SPIRE1: variants seen among roughly 807,000 people sequenced by gnomAD.
SPIRE1 encodes protein spire homolog 1.
Under a neutral mutation model 94.1 loss-of-function variants are expected in SPIRE1, and 40 were observed. The ratio of observed to expected loss-of-function variants is 0.43; its 90% confidence interval spans 0.33 to 0.55. The LOEUF is 0.55. Among genes scored for constraint, SPIRE1 ranks in the 20% least tolerant of loss-of-function variants. The pLI is 0.06. For missense variants in SPIRE1, 838 were observed against 975.2 expected, an observed-to-expected ratio of 0.86 and a Z score of 1.87; for synonymous variants, 376 against 371.7, an observed-to-expected ratio of 1.01 and a Z score of -0.13.
intron 2 of SPIRE1, among the ~76,000 whole-genome samples, chr18:12,563,135 C>T (rs992904887): frequency 2.6e-5 from 4 of 151,334 alleles, no homozygotes; most frequent in Admixed American, 6.6e-5. Context: ...GCAAAAGTAA[C>T]GATGCATTTT....
At chr18:12,594,389 G>A (rs1010095563) in intron 2 of SPIRE1, among the ~76,000 whole-genome samples, 1 of 152,088 alleles carries the variant, frequency 6.6e-6, no homozygotes, top group Admixed American at 6.5e-5. Context: ...GGAATATTAA[G>A]CAATCATTAA....
At chr18:12,607,191 T>C (rs1160654606) in intron 2 of SPIRE1, among the ~76,000 whole-genome samples, 23 of 152,178 alleles carry the variant, frequency 1.5e-4, no homozygotes, top group Admixed American at 1.5e-3. Flanking sequence ...GTCACCAATA[T>C]TCACAGAAAG....
intron 2 of SPIRE1, among the ~76,000 whole-genome samples, chr18:12,626,885 T>TATATATATATATATATATAC: frequency 1.8e-5 from 1 of 55,046 alleles, no homozygotes; most frequent in Non-Finnish European, 3.8e-5. Context: ...TATATATATA[T>TATATATATATATATATATAC]ATTTTTTTTT....
chr18:12,651,379 T>A (rs546140593), intron 1 of SPIRE1, among the ~76,000 whole-genome samples: 7 of 151,870 alleles, frequency 4.6e-5, no homozygotes, highest in African/African-American at 7.3e-5. Context: ...AAAAAAAATG[T>A]TTTTAAACAT....
chr18:12,527,239 C>CTT (rs2034548779), intron 4 of SPIRE1, among the ~76,000 whole-genome samples: 1 of 152,172 alleles, frequency 6.6e-6, no homozygotes, highest in South Asian at 2.1e-4. Context: ...CTTTTATTGT[C>CTT]TATCATTTGT....
chr18:12,600,646 A>G (rs1343038818), intron 2 of SPIRE1, among the ~76,000 whole-genome samples: 1 of 151,996 alleles, frequency 6.6e-6, no homozygotes, highest in African/African-American at 2.4e-5. Flanking sequence ...CTTTCTCCCC[A>G]TTTATTCACG....
chr18:12,582,439 G>A (rs2036280315), intron 2 of SPIRE1, among the ~76,000 whole-genome samples: 1 of 152,116 alleles, frequency 6.6e-6, no homozygotes, highest in Non-Finnish European at 1.5e-5. Flanking sequence ...AAGCTAAACT[G>A]TGGTATGTTT....
intron 4 of SPIRE1, among the ~76,000 whole-genome samples, chr18:12,520,230 C>T (rs2034319746): frequency 6.6e-6 from 1 of 151,884 alleles, no homozygotes; most frequent in Non-Finnish European, 1.5e-5. Context: ...AATCTCTCTG[C>T]AAAGATAAAA....
Position 12,470,709 on chromosome 18 carries a change from C to T in SPIRE1, c.1405-5751G>A, listed in dbSNP as rs577692061. ...ACCCTCTCGTGTCTATTCCAACTGC[C>T]TAATCACTTTTTGCTTATCTGGGGA... On this transcript the variant is annotated intron_variant, in intron 10 of 16. Coordinates refer to ENST00000409402, the MANE Select transcript of SPIRE1 (RefSeq NM_001128626.2). 5.2e-4 allele frequency among the ~76,000 whole-genome samples: 79 copies of T among 152,274 alleles called. 1 individual carries two copies. The highest frequency in any genetic ancestry group is 1.9e-3 in the African/African-American group (79 of 41,562).
intron 1 of SPIRE1, among the ~76,000 whole-genome samples, chr18:12,641,479 C>T (rs908509598): frequency 1.3e-5 from 2 of 152,162 alleles, no homozygotes; most frequent in African/African-American, 2.4e-5. Flanking sequence ...AGCGATTCTC[C>T]TGCCTCAGCC....
At chr18:12,643,963 G>A (rs1282938656) in intron 1 of SPIRE1, among the ~76,000 whole-genome samples, 2 of 151,428 alleles carry the variant, frequency 1.3e-5, no homozygotes, top group Non-Finnish European at 1.5e-5. Context: ...CTGGGGGTGG[G>A]GGCGCGAATC....
chr18:12,583,860 G>A (rs888386687), intron 2 of SPIRE1, among the ~76,000 whole-genome samples: 2 of 151,204 alleles, frequency 1.3e-5, no homozygotes, highest in African/African-American at 2.4e-5. Context: ...AGAAGGGTTA[G>A]AAGCTGCAGT....
At chr18:12,629,818 T>TA (rs1239142550) in intron 2 of SPIRE1, among the ~76,000 whole-genome samples, 1 of 152,168 alleles carries the variant, frequency 6.6e-6, no homozygotes, top group Admixed American at 6.5e-5. Flanking sequence ...CCTATTAAAG[T>TA]AAAAAAATTT....
At chr18:12,507,399 A>G (rs1209294119) in intron 5 of SPIRE1, among the ~76,000 whole-genome samples, 1 of 152,168 alleles carries the variant, frequency 6.6e-6, no homozygotes, top group African/African-American at 2.4e-5. Context: ...TGTTCTATAC[A>G]TAGAAAATAC....
At chr18:12,541,066 T>C (rs750494236) in intron 3 of SPIRE1, among the ~76,000 whole-genome samples, 2 of 152,220 alleles carry the variant, frequency 1.3e-5, no homozygotes, top group Non-Finnish European at 2.9e-5. Flanking sequence ...TTTGTTATTA[T>C]TCAGTTTATT....
intron 1 of SPIRE1, among the ~76,000 whole-genome samples, chr18:12,655,046 GA>G (rs1598591636): frequency 6.6e-6 from 1 of 150,828 alleles, no homozygotes; most frequent in East Asian, 1.9e-4. Context: ...AAGAAAGAAA[GA>G]AAAGAAAAGA....
chr18:12,494,071 A>AT lies in SPIRE1; in HGVS notation c.1060-871dup, dbSNP rs201239734. Among the ~76,000 whole-genome samples the AT allele has an allele frequency of 3.2e-3, 479 of 151,066 alleles. 1 individual carries two copies. The highest frequency in any genetic ancestry group is 0.011 in the African/African-American group (446 of 41,132). ...AAGTGTATGCCACTGCACACGGCTA[A>AT]TTTTTTTTTCTTTAATTTCTTTGTA... is the stretch of plus-strand genomic sequence containing the variant. On this transcript the variant is annotated intron_variant, in intron 7 of 16. Coordinates refer to ENST00000409402, the MANE Select transcript of SPIRE1 (RefSeq NM_001128626.2).
chr18:12,590,575 GA>G (rs2036506417), intron 2 of SPIRE1, among the ~76,000 whole-genome samples: 1 of 152,126 alleles, frequency 6.6e-6, no homozygotes, highest in Admixed American at 6.6e-5. Context: ...TATTTAAATT[GA>G]AAACAGAGTA....
intron 1 of SPIRE1, among the ~76,000 whole-genome samples, chr18:12,635,874 T>C (rs568326403): frequency 6.6e-6 from 1 of 151,802 alleles, no homozygotes; most frequent in Non-Finnish European, 1.5e-5. Flanking sequence ...ACTAGAAAAT[T>C]GGGTTTTTTT....
Sources: gnomAD v4.1 joint callset for allele counts (sites outside exome capture counted in the v4.1 genomes callset) on GRCh38, gnomAD v4.1.1 for gene constraint, MANE v1.5 for transcripts, NCBI Gene and HGNC (gene_info 2026-07-23, HGNC 2026-07-21) for gene names.